SLC9B1: variants seen among roughly 807,000 people sequenced by gnomAD.
The protein encoded by SLC9B1 is solute carrier family 9 member B1.
Under a neutral mutation model 51.7 loss-of-function variants are expected in SLC9B1, and 32 were observed. The observed-to-expected ratio is 0.62, with a 90% confidence interval of 0.47 to 0.83. The LOEUF is 0.83. Among genes scored for constraint, SLC9B1 ranks in the 40% least tolerant of loss-of-function variants. The pLI is 0.00. For missense variants in SLC9B1, 406 were observed against 613.2 expected (o/e 0.66, Z 3.57); for synonymous variants, 145 against 212.7 (o/e 0.68, Z 2.77).
At chr4:102,909,432 G>A (rs1227353789) in intron 9 of SLC9B1, among the ~76,000 whole-genome samples, 3 of 148,580 alleles carry the variant, frequency 2.0e-5, no homozygotes, top group Admixed American at 6.8e-5. Flanking sequence ...GTGAAACCCC[G>A]TCTCTACTAA....
rs1376184703 is a variant in SLC9B1, at chr4:102,888,058, G to A, written c.1333-2730C>T. The A allele has an allele frequency of 4.3e-5, 6 of 139,848 alleles. No individual in the cohort carries two copies. The East Asian group carries it at 1.2e-3, about 28-fold the overall frequency. The allele number at this position is 139,848 out of a possible 1,614,324, so 8.7% of individuals were successfully genotyped here. A position where few individuals can be genotyped will look rare whatever the true frequency, so the allele number is the denominator to read the frequency against. ...TACTTTACAAAAGGCTTGTGTCTGT[G>A]TGTGTGTGTGTGTGTGTGTGTGTGT... is the stretch of plus-strand genomic sequence containing the variant. On this transcript the variant is annotated intron_variant, in intron 11 of 11. Transcript: ENST00000394789.
intron 11 of SLC9B1, among the ~76,000 whole-genome samples, chr4:102,905,209 G>GTTTATTTATTTA (rs138082740): frequency 0.11 from 15,664 of 145,964 alleles, 938 homozygotes; most frequent in Admixed American, 0.14. Context: ...CTTTGTTTTT[G>GTTTATTTATTTA]TTTATTTATT....
At chr4:102,936,425 A>G (rs1736726101) in intron 6 of SLC9B1, among the ~76,000 whole-genome samples, 1 of 152,224 alleles carries the variant, frequency 6.6e-6, no homozygotes, top group African/African-American at 2.4e-5. Context: ...AATGACAGAC[A>G]TAGAATTCAG....
intron 7 of SLC9B1, among the ~76,000 whole-genome samples, chr4:102,931,225 C>CAAAA (rs34843459): frequency 8.2e-6 from 1 of 122,618 alleles, no homozygotes; most frequent in Non-Finnish European, 1.7e-5. Flanking sequence ...GACTCCGCCT[C>CAAAA]AAAAAAAAAA....
At chr4:102,970,718 T>C (rs1288221907) in intron 3 of SLC9B1, among the ~76,000 whole-genome samples, 3 of 152,116 alleles carry the variant, frequency 2.0e-5, no homozygotes, top group Non-Finnish European at 4.4e-5. Flanking sequence ...TCAAGACCCA[T>C]CAGTGTGCTG....
rs112363916 is a variant in SLC9B1, at chr4:102,996,350, C to T, written c.-1-4638G>A. ...TCCCACTCTGTGTCTTGCTTTTTTA[C>T]GCTGATAATACCTTTTTTAAAAGAT... is the stretch of plus-strand genomic sequence containing the variant. On this transcript the variant is annotated intron_variant, in intron 1 of 11. Transcript: ENST00000296422. Among the ~76,000 whole-genome samples the T allele has an allele frequency of 1.4e-4, 21 of 152,174 alleles. No homozygotes were observed. In the East Asian group the frequency reaches 1.9e-3, roughly 14 times the overall value.
At chr4:102,993,084 C>T (rs1350236697) in intron 1 of SLC9B1, among the ~76,000 whole-genome samples, 1 of 103,034 alleles carries the variant, frequency 9.7e-6, no homozygotes, top group Non-Finnish European at 1.9e-5. Context: ...TCATATCATT[C>T]TGCCCCGGCC....
chr4:102,914,841 C>T (rs1157518748), intron 7 of SLC9B1, among the ~76,000 whole-genome samples: 1 of 152,136 alleles, frequency 6.6e-6, no homozygotes, highest in Non-Finnish European at 1.5e-5. Context: ...TGACCAAAAA[C>T]TTCTCAAATT....
chr4:102,927,775 T>G (rs1409218684), intron 7 of SLC9B1, among the ~76,000 whole-genome samples: 1 of 152,158 alleles, frequency 6.6e-6, no homozygotes, highest in Admixed American at 6.6e-5. Context: ...CACATGCACA[T>G]GTATGTTTAT....
intron 3 of SLC9B1, among the ~76,000 whole-genome samples, chr4:102,958,463 A>C (rs892337811): frequency 6.6e-6 from 1 of 152,210 alleles, no homozygotes; most frequent in African/African-American, 2.4e-5. Flanking sequence ...CAATGCAAGA[A>C]TGGACTAATA....
At chr4:102,898,715 A>C (rs965831877), downstream of SLC9B1, among the ~76,000 whole-genome samples, 1 of 152,192 alleles carries the variant, frequency 6.6e-6, no homozygotes, top group African/African-American at 2.4e-5. Context: ...AGAAACAACA[A>C]TCTTGTATTT....
chr4:102,948,908 C>T (rs1246390703), intron 4 of SLC9B1, among the ~76,000 whole-genome samples: 1 of 152,076 alleles, frequency 6.6e-6, no homozygotes, highest in African/African-American at 2.4e-5. Context: ...CAAATGTCAC[C>T]ATTATGCAAT....
chr4:102,987,581 A>G (rs1453016124), intron 3 of SLC9B1, among the ~76,000 whole-genome samples: 3 of 152,060 alleles, frequency 2.0e-5, no homozygotes, highest in Non-Finnish European at 4.4e-5. Context: ...TTTGGGGGGC[A>G]GACTTTGTAA....
chr4:102,894,142 G>C (rs933703591), intron 11 of SLC9B1, among the ~76,000 whole-genome samples: 5 of 152,176 alleles, frequency 3.3e-5, no homozygotes, highest in African/African-American at 1.2e-4. Context: ...AATGCTGAGA[G>C]GGCTATTGTT....
chr4:103,014,111 G>A (rs1741206099), intron 1 of SLC9B1, among the ~76,000 whole-genome samples: 1 of 152,110 alleles, frequency 6.6e-6, no homozygotes, highest in African/African-American at 2.4e-5. Flanking sequence ...CTTTGAATAA[G>A]GCTCTAACCT....
chr4:102,905,157 A>G (rs1391831724), intron 11 of SLC9B1, among the ~76,000 whole-genome samples: 1 of 152,100 alleles, frequency 6.6e-6, no homozygotes, highest in African/African-American at 2.4e-5. Flanking sequence ...TGGTCTCAAA[A>G]TGAAAATAAA....
chr4:102,934,748 AG>A (rs1261988454), intron 6 of SLC9B1, among the ~76,000 whole-genome samples: 1 of 139,746 alleles, frequency 7.2e-6, no homozygotes, highest in Non-Finnish European at 1.5e-5. Flanking sequence ...CCTGGGTGAC[AG>A]GAAGACTCTG....
chr4:102,923,963 T>C (rs1736020486), intron 7 of SLC9B1, among the ~76,000 whole-genome samples: 1 of 152,018 alleles, frequency 6.6e-6, no homozygotes, highest in African/African-American at 2.4e-5. Flanking sequence ...ATCAATATTG[T>C]GAAAATGGCC....
At chr4:102,973,434 G>A (rs1359175098) in intron 3 of SLC9B1, among the ~76,000 whole-genome samples, 1 of 152,016 alleles carries the variant, frequency 6.6e-6, no homozygotes, top group Non-Finnish European at 1.5e-5. Context: ...AAGAAAAATG[G>A]CTAAATCCTC....
Sources: allele counts gnomAD v4.1 joint callset (sites outside exome capture counted in the v4.1 genomes callset), GRCh38; gene constraint gnomAD v4.1.1; transcripts MANE v1.5; gene names NCBI Gene and HGNC (gene_info 2026-07-23, HGNC 2026-07-21).